The following CADM3 variants were observed in gnomAD, a reference collection of about 807,000 sequenced individuals.
The protein encoded by CADM3 is cell adhesion molecule 3.
CADM3 carries 11 observed loss-of-function variants against 44.9 expected under a neutral mutation model. That is an observed-to-expected ratio of 0.25 (90% confidence interval 0.15 to 0.41). The LOEUF (loss-of-function observed/expected upper bound fraction) is 0.41, where lower values mean the gene tolerates loss of function less well. CADM3 is among the 10% of genes least tolerant of loss of function. The pLI is 1.00. For missense variants in CADM3, 426 were observed against 512.0 expected (o/e 0.83, Z 1.62); for synonymous variants, 207 against 205.2 (o/e 1.01, Z -0.08).
chr1:159,180,947 A>G (rs1649208313), intron 1 of CADM3, among the ~76,000 whole-genome samples: 1 of 152,196 alleles, frequency 6.6e-6, no homozygotes, highest in South Asian at 2.1e-4. Flanking sequence ...AAGGGAATTC[A>G]TCCATGCCCT....
intron 1 of CADM3, among the ~76,000 whole-genome samples, chr1:159,181,952 C>T (rs1390760585): frequency 6.6e-6 from 1 of 152,150 alleles, no homozygotes; most frequent in African/African-American, 2.4e-5. Context: ...ACATGTTCCT[C>T]TGCTTTTTTT....
In CADM3 at chr1:159,189,722, G is replaced by A. The variant is rs748453998; in HGVS notation, c.89-2214G>A. ...AGCAATGAAAGTAGAGCCCCACACT[G>A]TAGCAGGATACATGTAGGGCTCATG... On this transcript the variant is annotated intron_variant, in intron 1 of 8. Coordinates refer to ENST00000368125, the MANE Select transcript of CADM3 (RefSeq NM_001127173.3). The A allele has an allele frequency of 7.3e-6, 10 of 1,365,784 alleles. No individual in the cohort carries two copies. The Admixed American group carries it at 1.5e-4, about 20-fold the overall frequency. The allele number at this position is 1,365,784 out of a possible 1,614,324, so 84.6% of individuals were successfully genotyped here. A position where few individuals can be genotyped will look rare whatever the true frequency, so the allele number is the denominator to read the frequency against.
rs921847573 is a variant in CADM3 at position 159,201,147 on chromosome 1, C to T, written c.*225C>T. On this transcript the variant is annotated 3_prime_UTR_variant, in exon 9 of 9. Transcript: ENST00000368125. ...GGGGAGGGTTGCCCTCAGCCCTTTC[C>T]GTGGCTTCTCTGCATTTGGGTTATT... 49 of 292,198 alleles carry T rather than the reference C, an allele frequency of 1.7e-4. No individual in the cohort carries two copies. Among genetic ancestry groups the T allele is most frequent in the African/African-American group, 8.0e-4 (37 of 46,464 alleles). The allele number at this position is 292,198 out of a possible 1,614,324, so 18.1% of individuals were successfully genotyped here. A position where few individuals can be genotyped will look rare whatever the true frequency, so the allele number is the denominator to read the frequency against.
chr1:159,188,801 G>A (rs907358336), intron 1 of CADM3, among the ~76,000 whole-genome samples: 1 of 152,244 alleles, frequency 6.6e-6, no homozygotes, highest in Non-Finnish European at 1.5e-5. Context: ...ACAGGTAGGG[G>A]TAAGGTAGGT....
intron 1 of CADM3, among the ~76,000 whole-genome samples, chr1:159,189,072 T>A (rs1163357175): frequency 6.6e-6 from 1 of 152,156 alleles, no homozygotes. Flanking sequence ...GGTAGCAATC[T>A]GGGAAGACAT....
intron 1 of CADM3, chr1:159,178,470 C>G (rs1252893146): frequency 6.6e-6 from 1 of 152,172 alleles, no homozygotes; most frequent in African/African-American, 2.4e-5. Context: ...AAGCAAGTAT[C>G]AAGTGTACAT....
At chr1:159,199,917 G>T in intron 8 of CADM3, 41 bp downstream of exon 8, 1 of 1,604,366 alleles carries the variant, frequency 6.2e-7, no homozygotes, top group Non-Finnish European at 8.5e-7. Flanking sequence ...CTTGGGAGGG[G>T]CAGGGAGACC....
chr1:159,184,836 A>G (rs765681526), intron 1 of CADM3, among the ~76,000 whole-genome samples: 15 of 152,222 alleles, frequency 9.9e-5, no homozygotes, highest in Non-Finnish European at 1.9e-4. Context: ...GAAAAACTGA[A>G]TAACAGGTGC....
intron 1 of CADM3, among the ~76,000 whole-genome samples, chr1:159,180,579 A>ATT (rs10681414): frequency 0.18 from 27,590 of 149,392 alleles, 2,976 homozygotes; most frequent in Non-Finnish European, 0.25. Flanking sequence ...AAAAATACAG[A>ATT]TTTTTTTTTT....
rs1219755844 is a variant in CADM3, at chr1:159,171,622, T to G, written c.-144T>G. ...CGCGACTGCAGCAGCGCCGGCTCCCTCCCGGTCCCCACCTCGGCCCCGGGC... is the reference window on the plus strand; with the variant it reads ...CGCGACTGCAGCAGCGCCGGCTCCCGCCCGGTCCCCACCTCGGCCCCGGGC... On this transcript the variant is annotated 5_prime_UTR_variant, in exon 1 of 9. Coordinates refer to ENST00000368125, the MANE Select transcript of CADM3 (RefSeq NM_001127173.3). The G allele has an allele frequency of 2.4e-6, 1 of 412,652 alleles. No homozygotes were observed. Among genetic ancestry groups the G allele is most frequent in the Admixed American group, 5.0e-5 (1 of 20,068 alleles). 25.6% of individuals were successfully genotyped at this position (412,652 alleles called of 1,614,324 possible). A position where few individuals can be genotyped will look rare whatever the true frequency, so the allele number is the denominator to read the frequency against.
intron 1 of CADM3, among the ~76,000 whole-genome samples, chr1:159,173,496 G>T (rs1648902358): frequency 6.6e-6 from 1 of 152,124 alleles, no homozygotes; most frequent in African/African-American, 2.4e-5. Context: ...TCACCACAGA[G>T]ACAGCAGCCT....
intron 6 of CADM3, 191 bp downstream of exon 6, chr1:159,196,645 A>G: frequency 1.6e-6 from 1 of 635,724 alleles, no homozygotes; most frequent in East Asian, 2.7e-5. Flanking sequence ...CCACTCCCTA[A>G]CTCAGTCCCT....
rs1472925062 is a variant in CADM3, at chr1:159,193,963, C to T, written c.614C>T (p.Ala205Val). 3.7e-6 allele frequency: 6 copies of T among 1,614,016 alleles called. No individual in the cohort carries two copies. The highest frequency in any genetic ancestry group is 5.1e-6 in the Non-Finnish European group (6 of 1,180,032). The change falls in exon 5 of 9, where the codon GCG becomes GTG. Residue 205 changes from alanine to valine, a missense_variant. Physicochemically the swap from Ala to Val is moderately conservative, Grantham distance 64 (BLOSUM62 0). Transcript: ENST00000368125. ...CAGGTTACCCGGGAGGATGATGGGG[C>T]GAGCATCGTGTGCTCTGTGAACCAT... ...TFQVTREDDG[A>V]SIVCSVNHES...
chr1:159,189,825 C>T (rs1429568484), intron 1 of CADM3: 1 of 1,607,314 alleles, frequency 6.2e-7, no homozygotes, highest in Admixed American at 1.7e-5. Context: ...CTCGACGAGG[C>T]CATCAGCTCC....
intron 1 of CADM3, among the ~76,000 whole-genome samples, chr1:159,188,959 C>T (rs1291322567): frequency 6.6e-6 from 1 of 152,096 alleles, no homozygotes; most frequent in South Asian, 2.1e-4. Flanking sequence ...TGACGCAGGC[C>T]CTGGAAAAGG....
Position 159,192,048 on chromosome 1 carries a change from G to A in CADM3, c.201G>A (p.Gln67=), listed in dbSNP as rs1337947390. The change falls in exon 2 of 9, where the codon CAG becomes CAA. Residue 67 remains glutamine, a synonymous_variant. Transcript: ENST00000368125. ...CCCTGCAATGGTCTAACCCTGCTCAGCAGACTCTCTACTTTGGGGAGAAGA... is the reference window on the plus strand; with the variant it reads ...CCCTGCAATGGTCTAACCCTGCTCAACAGACTCTCTACTTTGGGGAGAAGA... ...DSSLQWSNPA[Q]QTLYFGEKRA... 2 of 1,613,994 alleles carry A rather than the reference G, an allele frequency of 1.2e-6. No homozygotes were observed. The highest frequency in any genetic ancestry group is 1.7e-6 in the Non-Finnish European group (2 of 1,180,030).
chr1:159,192,781 AC>A (rs1649728567), intron 3 of CADM3, 51 bp downstream of exon 3: 1 of 1,572,168 alleles, frequency 6.4e-7, no homozygotes, highest in African/African-American at 1.4e-5. Flanking sequence ...TTGCAAACAA[AC>A]CTCCCTAGAT....
At chr1:159,196,804 A>C (rs1038843364) in intron 6 of CADM3, 87 bp from the exon 7 acceptor site, 3 of 1,310,748 alleles carry the variant, frequency 2.3e-6, no homozygotes, top group Non-Finnish European at 2.1e-6. Context: ...ACAGTCCTTG[A>C]CATCCCTGCT....
rs142955742 is a variant in CADM3 at position 159,199,789 on chromosome 1, G to T, written c.991G>T (p.Ala331Ser). Residue 331 changes from alanine to serine, a missense_variant, in exon 8 of 9, where the codon GCC becomes TCC. This residue lies in a region of CADM3 where 362 missense variants were observed against 474.6 expected (regional missense o/e 0.76). Transcript: ENST00000368125. ...GCCCTCCTCCTCCAGCACCTACCAC[G>T]CCATCATCGGTGGGATCGTGGCTTT... ...PVPSSSSTYHAIIGGIVAFIV... is the reference protein window; with the variant it reads ...PVPSSSSTYHSIIGGIVAFIV... The T allele has an allele frequency of 1.2e-6, 2 of 1,613,986 alleles. No individual in the cohort carries two copies. The highest frequency in any genetic ancestry group is 1.1e-5 in the South Asian group (1 of 91,058).
Sources: allele counts gnomAD v4.1 joint callset (sites outside exome capture counted in the v4.1 genomes callset), GRCh38; gene constraint gnomAD v4.1.1; regional missense constraint gnomAD v4.1.1; transcripts MANE v1.5; gene names NCBI Gene and HGNC (gene_info 2026-07-23, HGNC 2026-07-21).